The following KIAA1217 variants were observed in gnomAD, a reference collection of about 807,000 sequenced individuals.
KIAA1217 encodes the protein sickle tail protein homolog.
Under a neutral mutation model 163.9 loss-of-function variants are expected in KIAA1217, and 88 were observed. The ratio of observed to expected loss-of-function variants is 0.54; its 90% CI spans 0.45 to 0.64. The LOEUF is 0.64. Among genes scored for constraint, KIAA1217 ranks in the 30% least tolerant of loss-of-function variants. KIAA1217 has a pLI of 0.00. For missense variants in KIAA1217, 2,372 were observed against 2,475.0 expected, an observed-to-expected ratio of 0.96 and a Z score of 0.88; for synonymous variants, 903 against 923.1, an observed-to-expected ratio of 0.98 and a Z score of 0.39.
At chr10:23,821,868 G>A (rs1004757178) in intron 1 of KIAA1217, among the ~76,000 whole-genome samples, 3 of 152,138 alleles carry the variant, frequency 2.0e-5, no homozygotes, top group Admixed American at 6.5e-5. Flanking sequence ...CGGCCATCAG[G>A]ATCACTGCTG....
Position 23,975,317 on chromosome 10 carries a change from G to A in KIAA1217, c.-320-31908G>A, listed in dbSNP as rs117204121. On this transcript the variant is annotated intron_variant, in intron 1 of 18. Transcript: ENST00000376462. ...GACTGGAAGTGAGATCTCGTTTCAGGGAAATGCTTGGCTGGCGGGCAGGCA... is the reference window on the plus strand; with the variant it reads ...GACTGGAAGTGAGATCTCGTTTCAGAGAAATGCTTGGCTGGCGGGCAGGCA... Among the ~76,000 whole-genome samples, 1,166 of 152,150 alleles carry A rather than the reference G, an allele frequency of 7.7e-3. 9 individuals carry two copies. The highest frequency in any genetic ancestry group is 0.013 in the Non-Finnish European group (853 of 67,996).
chr10:24,475,214 C>T (rs749225606), intron 6 of KIAA1217, among the ~76,000 whole-genome samples: 1 of 152,088 alleles, frequency 6.6e-6, no homozygotes, highest in Non-Finnish European at 1.5e-5. Context: ...AGCAAGACTT[C>T]ATCTCAAAAG....
chr10:23,896,574 A>T (rs564635902), intron 1 of KIAA1217, among the ~76,000 whole-genome samples: 1 of 152,108 alleles, frequency 6.6e-6, no homozygotes, highest in South Asian at 2.1e-4. Context: ...CTTACCATAC[A>T]GTTGGGTAAT....
intron 1 of KIAA1217, among the ~76,000 whole-genome samples, chr10:23,780,832 C>T (rs1057073164): frequency 6.6e-6 from 1 of 152,110 alleles, no homozygotes; most frequent in Admixed American, 6.5e-5. Flanking sequence ...AGGTGCCCAC[C>T]ACCATGCCTG....
At chr10:24,177,273 A>T (rs1438374004) in intron 2 of KIAA1217, among the ~76,000 whole-genome samples, 1 of 96,868 alleles carries the variant, frequency 1.0e-5, no homozygotes, top group East Asian at 2.7e-4. Flanking sequence ...ATATATATAT[A>T]TATATATATA....
At chr10:24,103,431 C>G (rs1254978799) in intron 2 of KIAA1217, among the ~76,000 whole-genome samples, 1 of 152,110 alleles carries the variant, frequency 6.6e-6, no homozygotes, top group African/African-American at 2.4e-5. Flanking sequence ...TTTCTGCTCT[C>G]TGAAAGACAA....
At chr10:24,347,267 G>A (rs1464185726) in intron 2 of KIAA1217, among the ~76,000 whole-genome samples, 1 of 152,138 alleles carries the variant, frequency 6.6e-6, no homozygotes, top group Non-Finnish European at 1.5e-5. Flanking sequence ...CTAAGCTTGA[G>A]GTGTGGGTTT....
At chr10:24,471,886 CAAAAAAAAAAAA>C (rs749624402) in intron 5 of KIAA1217, among the ~76,000 whole-genome samples, 1 of 46,918 alleles carries the variant, frequency 2.1e-5, no homozygotes, top group African/African-American at 7.8e-5. Flanking sequence ...GACTCCATCT[CAAAAAAAAAAAA>C]AAAAAAAAAA....
chr10:24,020,628 C>T (rs984930417), intron 2 of KIAA1217, among the ~76,000 whole-genome samples: 2 of 152,056 alleles, frequency 1.3e-5, no homozygotes, highest in African/African-American at 2.4e-5. Flanking sequence ...TATATACACA[C>T]ACTGAAAGTA....
intron 2 of KIAA1217, among the ~76,000 whole-genome samples, chr10:24,193,042 G>A (rs138590693): frequency 4.6e-5 from 7 of 152,248 alleles, no homozygotes; most frequent in East Asian, 3.9e-4. Flanking sequence ...TCAGCCTCCT[G>A]AGTAACTGGG....
chr10:24,059,857 G>A (rs1419306870), intron 2 of KIAA1217, among the ~76,000 whole-genome samples: 8 of 152,140 alleles, frequency 5.3e-5, no homozygotes, highest in Non-Finnish European at 8.8e-5. Context: ...GAGCCACTGC[G>A]CCTGGCCTCT....
chr10:24,483,915 A>G (rs540363247), intron 6 of KIAA1217, among the ~76,000 whole-genome samples: 1 of 152,150 alleles, frequency 6.6e-6, no homozygotes, highest in East Asian at 1.9e-4. Context: ...CAGAGAGCCA[A>G]CAGGAAGTGA....
intron 1 of KIAA1217, among the ~76,000 whole-genome samples, chr10:23,789,799 T>G (rs1032196083): frequency 2.0e-5 from 3 of 151,690 alleles, no homozygotes; most frequent in African/African-American, 7.3e-5. Context: ...CTTACTAAGC[T>G]GTCAGTGCAT....
At chr10:24,320,492 G>A (rs1477689103) in intron 2 of KIAA1217, among the ~76,000 whole-genome samples, 3 of 152,068 alleles carry the variant, frequency 2.0e-5, no homozygotes, top group African/African-American at 7.2e-5. Flanking sequence ...TTCCTTTTTG[G>A]TTAGAGTATT....
At chr10:24,255,711 C>T (rs369047500) in intron 2 of KIAA1217, 5 of 259,592 alleles carry the variant, frequency 1.9e-5, no homozygotes, top group Non-Finnish European at 3.1e-5. Flanking sequence ...TGTTCCCAGT[C>T]GCTTCTTGCT....
At chr10:24,350,121 A>G (rs1454833242) in intron 2 of KIAA1217, among the ~76,000 whole-genome samples, 1 of 152,210 alleles carries the variant, frequency 6.6e-6, no homozygotes, top group Non-Finnish European at 1.5e-5. Context: ...TTTTTTAAAG[A>G]AAGAGAAGAA....
chr10:23,812,247 A>G (rs1837099143), intron 1 of KIAA1217, among the ~76,000 whole-genome samples: 1 of 152,224 alleles, frequency 6.6e-6, no homozygotes, highest in African/African-American at 2.4e-5. Context: ...GAAGTAAGAA[A>G]TGATAATACA....
intron 2 of KIAA1217, among the ~76,000 whole-genome samples, chr10:24,378,436 C>G (rs2052822491): frequency 6.6e-6 from 1 of 152,140 alleles, no homozygotes; most frequent in Non-Finnish European, 1.5e-5. Flanking sequence ...CCCTGATGCC[C>G]CTTTAAACTC....
At chr10:24,031,206 G>GT (rs1589258507) in intron 2 of KIAA1217, among the ~76,000 whole-genome samples, 1 of 151,982 alleles carries the variant, frequency 6.6e-6, no homozygotes, top group South Asian at 2.1e-4. Context: ...TATTGTTTCT[G>GT]TTTTTTGTTT....
Sources: gnomAD v4.1 joint callset for allele counts (sites outside exome capture counted in the v4.1 genomes callset) on GRCh38, gnomAD v4.1.1 for gene constraint, MANE v1.5 for transcripts, NCBI Gene and HGNC (gene_info 2026-07-23, HGNC 2026-07-21) for gene names.